Variants in TGFB1 observed in about 807,000 individuals in gnomAD.
The protein encoded by TGFB1 is transforming growth factor beta 1, also known as transforming growth factor beta-1 proprotein.
TGFB1 carries 19 observed loss-of-function variants against 43.8 expected under a neutral mutation model. That is an observed-to-expected ratio of 0.43 (90% CI 0.30 to 0.64). TGFB1 has a LOEUF of 0.64. Ranked by LOEUF, TGFB1 falls within the 30% of genes least tolerant of loss-of-function variation. The pLI is 0.11. For synonymous variants in TGFB1, 221 were observed against 236.3 expected (o/e 0.94, Z 0.60); for missense variants, 445 against 529.8 (o/e 0.84, Z 1.57).
intron 5 of TGFB1, among the ~76,000 whole-genome samples, chr19:41,340,401 C>T (rs1455722303): frequency 6.6e-6 from 1 of 151,742 alleles, no homozygotes; most frequent in Non-Finnish European, 1.5e-5. Context: ...AGCCGTAATC[C>T]CAGCCGAGTA....
Position 41,352,904 on chromosome 19 carries a change from C to G in TGFB1, c.141G>C (p.Glu47Asp). The change falls in exon 1 of 7, where the codon GAG becomes GAC. Residue 47 changes from glutamate (E) to aspartate (D), a missense_variant. Physicochemically the swap from Glu to Asp is conservative, Grantham distance 45 (BLOSUM62 2). Transcript: ENST00000221930. ...TGGACAGGATCTGGCCGCGGATGGC[C>G]TCGATGCGCTTCCGCTTCACCAGCT... ...DMELVKRKRI[E>D]AIRGQILSKL... 3 of 1,559,738 alleles carry G rather than the reference C, an allele frequency of 1.9e-6. No individual in the cohort carries two copies. Among genetic ancestry groups the G allele is most frequent in the Non-Finnish European group, 2.6e-6 (3 of 1,153,330 alleles).
chr19:41,341,205 G>A (rs369739976), intron 5 of TGFB1, among the ~76,000 whole-genome samples: 51 of 151,458 alleles, frequency 3.4e-4, no homozygotes, highest in African/African-American at 1.0e-3. Context: ...GTTGGCTCAC[G>A]CCTGTAATCC....
chr19:41,330,875 A>G lies in TGFB1; in HGVS notation c.*177T>C. ...GGGAGTGGGGGAACGTCAGGGATGGAGACCCCAGGCAGGCGCCCAATGACA... is the reference window on the plus strand; with the variant it reads ...GGGAGTGGGGGAACGTCAGGGATGGGGACCCCAGGCAGGCGCCCAATGACA... On this transcript the variant is annotated 3_prime_UTR_variant, in exon 7 of 7. Coordinates refer to ENST00000221930, the MANE Select transcript of TGFB1 (RefSeq NM_000660.7). 1.8e-6 allele frequency: 1 copy of G among 545,316 alleles called. No homozygotes were observed. Among genetic ancestry groups the G allele is most frequent in the Non-Finnish European group, 3.2e-6 (1 of 314,488 alleles). 33.8% of individuals were successfully genotyped at this position (545,316 alleles called of 1,614,324 possible).
At chr19:41,340,110 C>G (rs2038037957) in intron 5 of TGFB1, among the ~76,000 whole-genome samples, 1 of 152,128 alleles carries the variant, frequency 6.6e-6, no homozygotes, top group Admixed American at 6.6e-5. Context: ...AACATTCTGA[C>G]AGCATCTTCA....
chr19:41,342,339 C>T, intron 3 of TGFB1, 92 bp from the exon 4 acceptor site: 1 of 1,236,078 alleles, frequency 8.1e-7, no homozygotes, highest in Non-Finnish European at 1.1e-6. Context: ...CCAGGGGCTT[C>T]CTTCCTGCCT....
chr19:41,348,301 C>G lies in TGFB1; in HGVS notation c.510G>C (p.Leu170=), dbSNP rs199678149. The G allele has an allele frequency of 6.2e-7, 1 of 1,612,794 alleles. No homozygotes were observed. Among genetic ancestry groups the G allele is most frequent in the Non-Finnish European group, 8.5e-7 (1 of 1,179,624 alleles). Residue 170 remains leucine, a synonymous_variant, in exon 2 of 7, where the codon CTG becomes CTC. Transcript: ENST00000221930. ...TTCTGGCTCATGTCCTCACCTGGTA[C>G]AGCTCCACGTGCTGCTCCACTTTTA... ...LKLKVEQHVE[L]YQKYSNNSWR... is the part of the protein sequence containing the mutation.
chr19:41,351,761 G>C (rs1372246813), intron 1 of TGFB1, among the ~76,000 whole-genome samples: 1 of 150,324 alleles, frequency 6.7e-6, no homozygotes, highest in African/African-American at 2.5e-5. Flanking sequence ...CTTCCCCTGC[G>C]GCTGGACTCC....
In TGFB1 at chr19:41,342,028, A is replaced by T. The variant is rs569594975; in HGVS notation, c.715T>A (p.Phe239Ile). 1.1e-5 allele frequency: 18 copies of T among 1,613,996 alleles called. No homozygotes were observed. The East Asian group carries it at 2.2e-4, about 20-fold the overall frequency. Residue 239 changes from phenylalanine to isoleucine, a missense_variant and splice_region_variant, in exon 5 of 7, where the codon TTC becomes ATC. By Grantham distance (21) the Phe-to-Ile change is conservative. Coordinates refer to ENST00000221930, the MANE Select transcript of TGFB1 (RefSeq NM_000660.7). ...AGGTCACCTCGGCGGCCGGTAGTGA[A>T]CCCTGCTTTGGTGTGGGAGTCAGGG... ...DNTLQVDING[F>I]TTGRRGDLAT...
intron 1 of TGFB1, chr19:41,350,774 TC>T (rs1171932239): frequency 2.6e-5 from 4 of 152,148 alleles, no homozygotes; most frequent in African/African-American, 9.7e-5. Flanking sequence ...CCTTCGATCC[TC>T]CTCCTCCTCC....
At position 41,344,807 on chromosome 19, in the gene TGFB1, A is replaced by G; in HGVS notation, c.574T>C (p.Ser192Pro). ...ACATCAAAAGATAACCACTCTGGCG[A>G]GTCGCTGGGTGCCAGCAGCCGGTTG... ...LSNRLLAPSD[S>P]PEWLSFDVTG... is the part of the protein sequence containing the mutation. The change falls in exon 3 of 7, where the codon TCG (serine) becomes CCG (proline). Residue 192 changes from serine to proline, a missense_variant. Physicochemically the swap from Ser to Pro is moderately conservative, Grantham distance 74. Coordinates refer to ENST00000221930, the MANE Select transcript of TGFB1 (RefSeq NM_000660.7). 3 of 1,612,806 alleles carry G rather than the reference A, an allele frequency of 1.9e-6. No homozygotes were observed. The highest frequency in any genetic ancestry group is 2.5e-6 in the Non-Finnish European group (3 of 1,179,446).
chr19:41,353,662 C>CCCTCCTCCCGCT lies in TGFB1; in HGVS notation c.-630_-619dup, dbSNP rs1334352574. ...TTTCCTCTTCTCCCGACCAGCTCGTCCCTCCTCCCGCTCCTCCTCCCCCTC... is the reference window on the plus strand; with the variant it reads ...TTTCCTCTTCTCCCGACCAGCTCGTCCCTCCTCCCGCTCCTCCTCCCGCTCCTCCTCCCCCTC... On this transcript the variant is annotated 5_prime_UTR_variant, in exon 1 of 7. Coordinates refer to ENST00000221930, the MANE Select transcript of TGFB1 (RefSeq NM_000660.7). This position sits in a 1 kb window ranked among gnomAD's most constrained non-coding sequence, Gnocchi z 5.9. 1.3e-5 allele frequency: 2 copies of CCCTCCTCCCGCT among 153,346 alleles called. No homozygotes were observed. The highest frequency in any genetic ancestry group is 3.8e-4 in the East Asian group (2 of 5,196). The allele number at this position is 153,346 out of a possible 1,614,324, so 9.5% of individuals were successfully genotyped here.
intron 5 of TGFB1, among the ~76,000 whole-genome samples, 191 bp downstream of exon 5, chr19:41,341,692 G>A (rs537104986): frequency 1.3e-5 from 2 of 152,154 alleles, no homozygotes; most frequent in Admixed American, 1.3e-4. Flanking sequence ...TTACAGGCGT[G>A]AGCCACCGCA....
chr19:41,340,080 T>C (rs1188133126), intron 5 of TGFB1, among the ~76,000 whole-genome samples: 1 of 152,076 alleles, frequency 6.6e-6, no homozygotes, highest in African/African-American at 2.4e-5. Context: ...AGTATTAGCA[T>C]TCCAGCATCT....
intron 5 of TGFB1, among the ~76,000 whole-genome samples, chr19:41,336,351 A>G (rs1355585536): frequency 6.6e-6 from 1 of 151,100 alleles, no homozygotes; most frequent in African/African-American, 2.4e-5. Flanking sequence ...ACTCATGGCC[A>G]ATTTCCATTG....
At position 41,332,473 on chromosome 19, in the gene TGFB1, TC is replaced by T. The variant is rs1187391747; in HGVS notation, c.861-193del. ...TAATCACTAACACAGATTAAGCACT[TC>T]CTCCAGTGCTAAGAGCAATGTAATA... On this transcript the variant is annotated intron_variant, in intron 5 of 6. Coordinates refer to ENST00000221930, the MANE Select transcript of TGFB1 (RefSeq NM_000660.7). Among the ~76,000 whole-genome samples the T allele has an allele frequency of 3.9e-5, 6 of 152,268 alleles. No homozygotes were observed. The East Asian group carries it at 9.6e-4, about 24-fold the overall frequency.
chr19:41,333,209 ATTTTTT>A (rs1161079448), intron 5 of TGFB1, among the ~76,000 whole-genome samples: 2 of 86,400 alleles, frequency 2.3e-5, no homozygotes, highest in East Asian at 6.2e-4. Context: ...TTTTTTTTCT[ATTTTTT>A]TTTTTTTTTT....
At chr19:41,331,566 C>CTTTT (rs3061187) in intron 6 of TGFB1, among the ~76,000 whole-genome samples, 4 of 77,438 alleles carry the variant, frequency 5.2e-5, no homozygotes, top group Non-Finnish European at 7.1e-5. Flanking sequence ...CCACTCCTAG[C>CTTTT]TTTTTTTTTT....
At position 41,331,063 on chromosome 19, in the gene TGFB1, T is replaced by G; in HGVS notation, c.1162A>C (p.Lys388Gln). The G allele has an allele frequency of 6.4e-7, 1 of 1,569,900 alleles. No homozygotes were observed. Among genetic ancestry groups the G allele is most frequent in the Non-Finnish European group, 8.6e-7 (1 of 1,159,988 alleles). The change falls in exon 7 of 7, where the codon AAG (lysine) becomes CAG (glutamine). Residue 388 changes from lysine to glutamine, a missense_variant. Coordinates refer to ENST00000221930, the MANE Select transcript of TGFB1 (RefSeq NM_000660.7). ...GGCGGGGCGGGACCTCAGCTGCACT[T>G]GCAGGAGCGCACGATCATGTTGGAC... The part of the protein sequence containing the change: ...QLSNMIVRSC[K>Q]CS
At chr19:41,344,068 G>A (rs1174741227) in intron 3 of TGFB1, among the ~76,000 whole-genome samples, 2 of 140,606 alleles carry the variant, frequency 1.4e-5, no homozygotes, top group Admixed American at 7.8e-5. Flanking sequence ...CTGCAGCCTC[G>A]ACCTCCCAGG....
Sources: allele counts gnomAD v4.1 joint callset (sites outside exome capture counted in the v4.1 genomes callset), GRCh38; gene constraint gnomAD v4.1.1; non-coding constraint Gnocchi (gnomAD v3.1); transcripts MANE v1.5; gene names NCBI Gene and HGNC (gene_info 2026-07-23, HGNC 2026-07-21).